Variants in ARMH4 observed in about 807,000 individuals in gnomAD.
ARMH4 encodes the protein armadillo like helical domain containing 4, also known as armadillo-like helical domain-containing protein 4.
Under a neutral mutation model 61.9 loss-of-function variants are expected in ARMH4, and 49 were observed. That is an observed-to-expected ratio of 0.79 (90% CI 0.63 to 1.00). ARMH4 has a LOEUF of 1.00. ARMH4 is among the 50% of genes least tolerant of loss of function. The pLI is 0.00. For synonymous variants in ARMH4, 368 were observed against 341.5 expected, an observed-to-expected ratio of 1.08 and a Z score of -0.85; for missense variants, 934 against 930.0, an observed-to-expected ratio of 1.00 and a Z score of -0.06.
chr14:58,121,143 G>A (rs991819821), intron 4 of ARMH4, among the ~76,000 whole-genome samples: 2 of 152,084 alleles, frequency 1.3e-5, no homozygotes, highest in East Asian at 1.9e-4. Flanking sequence ...ACTAGCACTC[G>A]TGCTCCCTTA....
intron 5 of ARMH4, among the ~76,000 whole-genome samples, chr14:58,078,657 T>C (rs1451037636): frequency 6.6e-6 from 1 of 152,234 alleles, no homozygotes; most frequent in African/African-American, 2.4e-5. Context: ...GTAAATATTT[T>C]GGGTTTATGG....
intron 5 of ARMH4, among the ~76,000 whole-genome samples, chr14:58,090,142 A>G (rs1885509762): frequency 6.6e-6 from 1 of 152,194 alleles, no homozygotes; most frequent in African/African-American, 2.4e-5. Context: ...TTAGATGTAG[A>G]CTTTTGAAAA....
At chr14:58,117,168 T>G (rs1310832521) in intron 4 of ARMH4, among the ~76,000 whole-genome samples, 2 of 152,212 alleles carry the variant, frequency 1.3e-5, no homozygotes, top group Non-Finnish European at 2.9e-5. Flanking sequence ...CAGCTTCATA[T>G]ACTTCCCTCT....
At position 58,131,667 on chromosome 14, in the gene ARMH4, G is replaced by T. The variant is rs747722762; in HGVS notation, c.1676C>A (p.Ser559Tyr). The change falls in exon 4 of 8, where the codon TCT (serine) becomes TAT (tyrosine). Residue 559 changes from serine to tyrosine, a missense_variant. By Grantham distance (144) the Ser-to-Tyr change is moderately radical. Coordinates refer to ENST00000267485, the MANE Select transcript of ARMH4 (RefSeq NM_001001872.4). ...CATTATTCCAGGAGGTGTCACTGGA[G>T]ATCCCAGAACTGGTGTGAACTCCTC... Reference protein sequence around the residue: ...PNEEFTPVLGSPVTPPGIMVG... With the variant: ...PNEEFTPVLGYPVTPPGIMVG... 2 of 1,613,912 alleles carry T rather than the reference G, an allele frequency of 1.2e-6. No individual in the cohort carries two copies. Among genetic ancestry groups the T allele is most frequent in the East Asian group, 4.5e-5 (2 of 44,888 alleles).
chr14:58,121,876 T>C (rs1315884924), intron 4 of ARMH4, among the ~76,000 whole-genome samples: 1 of 152,232 alleles, frequency 6.6e-6, no homozygotes, highest in Non-Finnish European at 1.5e-5. Flanking sequence ...AGATGTTTCA[T>C]GTGTTCGTGT....
chr14:58,044,917 A>G (rs1043919556), intron 5 of ARMH4, among the ~76,000 whole-genome samples: 4 of 152,190 alleles, frequency 2.6e-5, no homozygotes, highest in Admixed American at 6.5e-5. Context: ...ATGAGATACC[A>G]TCTCACACCA....
rs1886955814 is a variant in ARMH4, at chr14:58,127,869, G to GGGA, written c.1831+3640_1831+3642dup. Among the ~76,000 whole-genome samples the GGGA allele has an allele frequency of 2.0e-5, 3 of 152,230 alleles. No homozygotes were observed. The South Asian group carries it at 6.2e-4, about 32-fold the overall frequency. On this transcript the variant is annotated intron_variant, in intron 4 of 7. Transcript: ENST00000267485. Reference sequence around the variant, plus strand: ...AAGGGAAGAAGTGCGGGGGGTGGGAGGGAGGACCGTCAAAGACTTAATCAC... The same window carrying GGGA: ...AAGGGAAGAAGTGCGGGGGGTGGGAGGGAGGAGGACCGTCAAAGACTTAATCAC...
chr14:58,132,271 G>A (rs936431668), intron 3 of ARMH4, among the ~76,000 whole-genome samples: 8 of 152,184 alleles, frequency 5.3e-5, no homozygotes, highest in Non-Finnish European at 1.0e-4. Flanking sequence ...GAGCATTTGA[G>A]AGCCTCCTAT....
intron 5 of ARMH4, among the ~76,000 whole-genome samples, chr14:58,075,907 T>C (rs1438629885): frequency 6.6e-6 from 1 of 152,134 alleles, no homozygotes; most frequent in Non-Finnish European, 1.5e-5. Context: ...ATCTATATCT[T>C]AGGGTTATTG....
intron 2 of ARMH4, among the ~76,000 whole-genome samples, chr14:58,135,687 GCTAA>G (rs1157579827): frequency 6.6e-6 from 1 of 151,948 alleles, no homozygotes; most frequent in Non-Finnish European, 1.5e-5. Flanking sequence ...AGTTGAAGCA[GCTAA>G]CTGACTCAAA....
intron 5 of ARMH4, among the ~76,000 whole-genome samples, chr14:58,024,389 T>C (rs559874907): frequency 6.6e-6 from 1 of 152,310 alleles, no homozygotes; most frequent in Admixed American, 6.5e-5. Context: ...CTTCTGCAGC[T>C]TCCTCACTTC....
At chr14:58,049,238 CA>C (rs535936500) in intron 5 of ARMH4, among the ~76,000 whole-genome samples, 1,304 of 64,026 alleles carry the variant, frequency 0.02, 19 homozygotes, top group African/African-American at 0.063. Context: ...GACTCCGTCC[CA>C]AAAAAAAAAA....
At chr14:58,125,686 A>T (rs1295723650) in intron 4 of ARMH4, among the ~76,000 whole-genome samples, 2 of 152,176 alleles carry the variant, frequency 1.3e-5, no homozygotes. Flanking sequence ...TGTTAATGAC[A>T]TCAAAGGCAC....
chr14:58,137,046 C>T (rs557935577), intron 2 of ARMH4, among the ~76,000 whole-genome samples: 2 of 152,132 alleles, frequency 1.3e-5, no homozygotes, highest in African/African-American at 4.8e-5. Flanking sequence ...TGTAAGTATC[C>T]AACATTATTA....
In ARMH4 at chr14:58,138,361, T is replaced by C. The variant is rs1490182536; in HGVS notation, c.998A>G (p.Asn333Ser). 1.2e-6 allele frequency: 2 copies of C among 1,614,188 alleles called. No individual in the cohort carries two copies. Among genetic ancestry groups the C allele is most frequent in the Admixed American group, 1.7e-5 (1 of 60,024 alleles). Residue 333 changes from asparagine to serine, a missense_variant, in exon 2 of 8, where the codon AAT becomes AGT. Asn to Ser is a conservative substitution (Grantham distance 46). Transcript: ENST00000267485. ...SRIRTPKLGD[N>S]EETQVRTEMS... ...CTCCGTTCTCACCTGAGTCTCTTCA[T>C]TGTCTCCAAGCTTGGGGGTCCTTAT...
chr14:58,013,529 T>A (rs1206135436), intron 5 of ARMH4, among the ~76,000 whole-genome samples: 1 of 152,232 alleles, frequency 6.6e-6, no homozygotes, highest in Non-Finnish European at 1.5e-5. Context: ...TGCCTCCATT[T>A]ACAATCTGAC....
intron 5 of ARMH4, among the ~76,000 whole-genome samples, chr14:58,064,198 T>C (rs1884629837): frequency 6.6e-6 from 1 of 150,740 alleles, no homozygotes; most frequent in African/African-American, 2.5e-5. Context: ...CAAAACATTA[T>C]TACCCACTCC....
intron 1 of ARMH4, among the ~76,000 whole-genome samples, chr14:58,149,623 C>T (rs1482638999): frequency 2.0e-5 from 3 of 152,216 alleles, no homozygotes; most frequent in African/African-American, 7.2e-5. Context: ...GATATCCGTG[C>T]TTATCACCCC....
chr14:58,011,733 G>A (rs1882413674), intron 6 of ARMH4, among the ~76,000 whole-genome samples: 1 of 141,626 alleles, frequency 7.1e-6, no homozygotes, highest in Non-Finnish European at 1.5e-5. Flanking sequence ...GCAGCACTGT[G>A]ATAAACTACA....
Sources: allele counts gnomAD v4.1 joint callset (sites outside exome capture counted in the v4.1 genomes callset), GRCh38; gene constraint gnomAD v4.1.1; transcripts MANE v1.5; gene names NCBI Gene and HGNC (gene_info 2026-07-23, HGNC 2026-07-21).